LPP: variants seen among roughly 807,000 people sequenced by gnomAD.
LPP encodes the protein LIM domain containing preferred translocation partner in lipoma, also known as lipoma-preferred partner.
LPP carries 38 observed loss-of-function variants against 60.4 expected under a neutral mutation model. The ratio of observed to expected loss-of-function variants is 0.63; its 90% CI spans 0.49 to 0.83. The LOEUF is 0.83. LPP is among the 40% of genes least tolerant of loss of function. The pLI, the probability that LPP is intolerant of heterozygous loss-of-function variation, is 0.00. For missense variants in LPP, 902 were observed against 783.6 expected, an observed-to-expected ratio of 1.15 and a Z score of -1.80; for synonymous variants, 328 against 290.8, an observed-to-expected ratio of 1.13 and a Z score of -1.30.
intron 9 of LPP, among the ~76,000 whole-genome samples, chr3:188,824,480 C>A (rs1754849413): frequency 6.6e-6 from 1 of 152,168 alleles, no homozygotes; most frequent in African/African-American, 2.4e-5. Flanking sequence ...AGAACTATTC[C>A]ATTATTGCAG....
intron 7 of LPP, among the ~76,000 whole-genome samples, chr3:188,672,032 T>C (rs762372243): frequency 6.6e-6 from 1 of 152,244 alleles, no homozygotes; most frequent in Non-Finnish European, 1.5e-5. Flanking sequence ...ATAGAAGCGC[T>C]TGAAAATTTT....
chr3:188,662,868 GATGCA>G (rs1854900500), intron 7 of LPP, among the ~76,000 whole-genome samples: 1 of 152,266 alleles, frequency 6.6e-6, no homozygotes, highest in Admixed American at 6.5e-5. Context: ...GTGAATAGCA[GATGCA>G]ATGCATTATT....
At chr3:188,335,325 T>C (rs550397348) in intron 2 of LPP, among the ~76,000 whole-genome samples, 2 of 152,230 alleles carry the variant, frequency 1.3e-5, no homozygotes, top group South Asian at 4.1e-4. Context: ...GTTGAGGTAA[T>C]GTATCACGTT....
In LPP at chr3:188,182,512, A is replaced by G. The variant is rs16863083; in HGVS notation, c.-190+28260A>G. 0.033 allele frequency among the ~76,000 whole-genome samples: 5,026 copies of G among 152,208 alleles called. 119 individuals carry two copies. Among genetic ancestry groups the G allele is most frequent in the South Asian group, 0.092 (442 of 4,820 alleles). On this transcript the variant is annotated intron_variant, in intron 1 of 11. Coordinates refer to ENST00000617246, the MANE Select transcript of LPP (RefSeq NM_001375462.1). The surrounding 1 kb of genome is among the most constrained non-coding windows in gnomAD (Gnocchi z 4.4). ...GCTGCCATCTGGCCTAGTGAGACCT[A>G]TGTGGCTGCCATTGTTTTTGGCTGG...
intron 1 of LPP, among the ~76,000 whole-genome samples, chr3:188,213,991 C>A (rs886443889): frequency 1.3e-5 from 2 of 151,802 alleles, no homozygotes; most frequent in African/African-American, 4.8e-5. Flanking sequence ...CACACACACA[C>A]ACACACACAC....
chr3:188,828,640 A>AAAAAC (rs1756306374), intron 9 of LPP, among the ~76,000 whole-genome samples: 36 of 146,976 alleles, frequency 2.4e-4, no homozygotes, highest in Non-Finnish European at 4.2e-4. Flanking sequence ...AAAAAAAAAA[A>AAAAAC]CTCAGCTGCA....
chr3:188,520,045 G>A (rs1818438300), intron 5 of LPP, among the ~76,000 whole-genome samples: 1 of 152,124 alleles, frequency 6.6e-6, no homozygotes. Flanking sequence ...TTATTGGACT[G>A]TCTTTATGTA....
chr3:188,464,674 T>C (rs1156860932), intron 4 of LPP, among the ~76,000 whole-genome samples: 1 of 152,114 alleles, frequency 6.6e-6, no homozygotes, highest in Non-Finnish European at 1.5e-5. Flanking sequence ...AACATAGATA[T>C]ATCATTGACT....
intron 2 of LPP, among the ~76,000 whole-genome samples, chr3:188,268,907 A>T (rs1243057205): frequency 7.8e-6 from 1 of 128,066 alleles, no homozygotes; most frequent in African/African-American, 2.6e-5. Context: ...CCTATAAGGT[A>T]GAAATTATTA....
At chr3:188,526,821 G>A (rs6444300) in intron 6 of LPP, among the ~76,000 whole-genome samples, 125,230 of 152,070 alleles carry the variant, frequency 0.82, 51,621 homozygotes, top group East Asian at 0.94. Flanking sequence ...AGGCAAAAAA[G>A]GTGGATAGTT....
intron 1 of LPP, among the ~76,000 whole-genome samples, chr3:188,190,791 C>G (rs1212684848): frequency 2.0e-5 from 3 of 152,138 alleles, no homozygotes; most frequent in Non-Finnish European, 2.9e-5. Context: ...GAATTTAGCC[C>G]CGGCCATAAT....
intron 7 of LPP, among the ~76,000 whole-genome samples, chr3:188,655,082 A>G (rs956225682): frequency 6.6e-6 from 1 of 152,220 alleles, no homozygotes; most frequent in Non-Finnish European, 1.5e-5. Context: ...AGAGAAGTCA[A>G]CTATGACCAG....
intron 2 of LPP, among the ~76,000 whole-genome samples, chr3:188,305,494 A>G (rs1751232749): frequency 6.6e-6 from 1 of 152,220 alleles, no homozygotes; most frequent in Non-Finnish European, 1.5e-5. Flanking sequence ...AGGTGAGTCC[A>G]GAGAGGCTCA....
intron 8 of LPP, among the ~76,000 whole-genome samples, chr3:188,756,970 T>TTGGTATCCAAGCCATAGTCAC (rs1730477446): frequency 6.6e-6 from 1 of 152,218 alleles, no homozygotes; most frequent in African/African-American, 2.4e-5. Context: ...ACTGCAGTGT[T>TTGGTATCCAAGCCATAGTCAC]TTGGTATCCA....
At chr3:188,501,668 G>A (rs180673575) in intron 5 of LPP, among the ~76,000 whole-genome samples, 1,586 of 152,120 alleles carry the variant, frequency 0.01, 26 homozygotes, top group African/African-American at 0.037. Context: ...AGAATGGCCT[G>A]AACCCTGGAG....
chr3:188,265,564 T>C (rs527616640), intron 2 of LPP, among the ~76,000 whole-genome samples: 1 of 152,178 alleles, frequency 6.6e-6, no homozygotes, highest in Non-Finnish European at 1.5e-5. Context: ...AGGTGTTCTG[T>C]TTGTGCCATT....
In LPP at chr3:188,879,522, A is replaced by G; in HGVS notation, c.*5043A>G. 5.1e-6 allele frequency: 1 copy of G among 196,740 alleles called. No homozygotes were observed. Among genetic ancestry groups the G allele is most frequent in the South Asian group, 1.9e-4 (1 of 5,194 alleles). 12.2% of individuals were successfully genotyped at this position (196,740 alleles called of 1,614,324 possible). Reference sequence around the variant, plus strand: ...AATAGAGTCTTTCTGTTTCATGTTAATGAATTTTCATCAGGGACTGAGGTC... The same window carrying G: ...AATAGAGTCTTTCTGTTTCATGTTAGTGAATTTTCATCAGGGACTGAGGTC... On this transcript the variant is annotated 3_prime_UTR_variant, in exon 12 of 12. Coordinates refer to ENST00000617246, the MANE Select transcript of LPP (RefSeq NM_001375462.1).
intron 1 of LPP, among the ~76,000 whole-genome samples, chr3:188,213,750 C>T (rs1390308161): frequency 6.6e-6 from 1 of 152,036 alleles, no homozygotes; most frequent in Non-Finnish European, 1.5e-5. Context: ...ATATCTTTCT[C>T]TTTCACGAAA....
intron 9 of LPP, among the ~76,000 whole-genome samples, chr3:188,807,268 C>G (rs143277392): frequency 5.9e-5 from 9 of 151,852 alleles, no homozygotes; most frequent in Non-Finnish European, 1.3e-4. Context: ...AACTTTTATC[C>G]TTTGTCTCTT....
Sources: gnomAD v4.1 joint callset for allele counts (sites outside exome capture counted in the v4.1 genomes callset) on GRCh38, gnomAD v4.1.1 for gene constraint, Gnocchi (gnomAD v3.1) non-coding constraint, MANE v1.5 for transcripts, NCBI Gene and HGNC (gene_info 2026-07-23, HGNC 2026-07-21) for gene names.